The following SNTG1 variants were observed in gnomAD, a reference collection of about 807,000 sequenced individuals.
SNTG1 encodes the protein gamma-1-syntrophin.
In SNTG1, 39 loss-of-function variants were observed where a neutral mutation model predicts 74.7. The ratio of observed to expected loss-of-function variants is 0.52; its 90% CI spans 0.40 to 0.68. The LOEUF is 0.68. SNTG1 is among the 30% of genes least tolerant of loss of function. SNTG1 has a pLI of 0.00. For missense variants in SNTG1, 685 were observed against 609.5 expected (o/e 1.12, Z -1.30); for synonymous variants, 254 against 217.1 (o/e 1.17, Z -1.49).
At chr8:50,335,997 T>C (rs2091130014) in intron 2 of SNTG1, among the ~76,000 whole-genome samples, 1 of 152,130 alleles carries the variant, frequency 6.6e-6, no homozygotes, top group Non-Finnish European at 1.5e-5. Context: ...AGATGTTCTA[T>C]TCTTCCTGTG....
At chr8:50,226,494 T>C (rs1034402406) in intron 2 of SNTG1, among the ~76,000 whole-genome samples, 1 of 152,130 alleles carries the variant, frequency 6.6e-6, no homozygotes, top group Non-Finnish European at 1.5e-5. Flanking sequence ...ATAGGAAACA[T>C]TTGCCATCTG....
At chr8:50,594,234 C>A (rs1001433968) in intron 13 of SNTG1, among the ~76,000 whole-genome samples, 5 of 152,094 alleles carry the variant, frequency 3.3e-5, no homozygotes, top group African/African-American at 1.2e-4. Context: ...CTATATGTAC[C>A]TAGACCATTA....
intron 2 of SNTG1, among the ~76,000 whole-genome samples, chr8:50,201,423 C>T (rs1247100658): frequency 6.6e-6 from 1 of 152,128 alleles, no homozygotes; most frequent in Non-Finnish European, 1.5e-5. Context: ...TTATTAACAC[C>T]TTCTACTAGT....
intron 1 of SNTG1, among the ~76,000 whole-genome samples, chr8:49,971,869 T>C (rs899310780): frequency 3.9e-5 from 6 of 152,006 alleles, no homozygotes; most frequent in Non-Finnish European, 8.8e-5. Flanking sequence ...TAAAAGAGGA[T>C]ACAAAGAAAT....
intron 1 of SNTG1, among the ~76,000 whole-genome samples, chr8:49,975,904 G>A (rs1812152022): frequency 6.6e-6 from 1 of 151,808 alleles, no homozygotes; most frequent in African/African-American, 2.4e-5. Context: ...CTACTTATTT[G>A]TTTATTTTCA....
At chr8:50,585,952 C>T (rs979593105) in intron 12 of SNTG1, among the ~76,000 whole-genome samples, 8 of 152,146 alleles carry the variant, frequency 5.3e-5, no homozygotes, top group Admixed American at 4.6e-4. Context: ...TGAAGGTATA[C>T]TATGTCCAAT....
intron 1 of SNTG1, among the ~76,000 whole-genome samples, chr8:49,968,540 G>T (rs1158656230): frequency 6.6e-6 from 1 of 152,066 alleles, no homozygotes; most frequent in African/African-American, 2.4e-5. Flanking sequence ...AAGGATAAGG[G>T]CAAGAACTTG....
chr8:50,023,899 T>C lies in SNTG1; in HGVS notation c.-103+111668T>C, dbSNP rs1817040006. On this transcript the variant is annotated intron_variant, in intron 1 of 18. Transcript: ENST00000642720. ...CTTTGTGCCTGAGGCCTTCTGACCATCAACCATGAGCATTGTTGTGAGTCC... is the reference window on the plus strand; with the variant it reads ...CTTTGTGCCTGAGGCCTTCTGACCACCAACCATGAGCATTGTTGTGAGTCC... Among the ~76,000 whole-genome samples, 3 of 152,288 alleles carry C rather than the reference T, an allele frequency of 2.0e-5. 1 individual carries two copies. Among genetic ancestry groups the C allele is most frequent in the South Asian group, 4.1e-4 (2 of 4,828 alleles).
chr8:50,433,709 A>G (rs2131541077), intron 4 of SNTG1, among the ~76,000 whole-genome samples: 1 of 152,276 alleles, frequency 6.6e-6, no homozygotes, highest in Non-Finnish European at 1.5e-5. Flanking sequence ...ATATTTATTC[A>G]TTTAACATTT....
intron 1 of SNTG1, among the ~76,000 whole-genome samples, chr8:50,036,454 T>C (rs1818174452): frequency 6.6e-6 from 1 of 152,180 alleles, no homozygotes; most frequent in African/African-American, 2.4e-5. Flanking sequence ...ATAGCCTTCT[T>C]CCAGGAAGCC....
chr8:50,356,753 A>G (rs998242247), intron 2 of SNTG1, among the ~76,000 whole-genome samples: 1 of 152,180 alleles, frequency 6.6e-6, no homozygotes, highest in East Asian at 1.9e-4. Context: ...CTCCCATTAT[A>G]TGGGCCATTC....
chr8:50,684,262 C>T (rs1047711458), intron 15 of SNTG1, among the ~76,000 whole-genome samples: 2 of 152,072 alleles, frequency 1.3e-5, no homozygotes, highest in Admixed American at 6.6e-5. Context: ...AATTTGAGAA[C>T]GTTTTTTATT....
intron 4 of SNTG1, among the ~76,000 whole-genome samples, chr8:50,426,812 A>G (rs2093169265): frequency 6.6e-6 from 1 of 152,080 alleles, no homozygotes; most frequent in Non-Finnish European, 1.5e-5. Context: ...TTGGGAAAAA[A>G]ATACAACAAT....
chr8:50,371,931 CT>C (rs1412994524), intron 2 of SNTG1, among the ~76,000 whole-genome samples: 1 of 152,070 alleles, frequency 6.6e-6, no homozygotes, highest in African/African-American at 2.4e-5. Flanking sequence ...AAAAATAAAT[CT>C]CCTGTAGACG....
intron 1 of SNTG1, among the ~76,000 whole-genome samples, chr8:50,049,252 A>G (rs938171603): frequency 6.6e-6 from 1 of 152,114 alleles, no homozygotes; most frequent in Non-Finnish European, 1.5e-5. Context: ...ACAAGATCCA[A>G]CTGCATTATC....
At chr8:50,732,190 C>A (rs1012930027) in intron 17 of SNTG1, among the ~76,000 whole-genome samples, 1 of 151,816 alleles carries the variant, frequency 6.6e-6, no homozygotes, top group South Asian at 2.1e-4. Context: ...GTTGAAATAG[C>A]AAATACCTGT....
chr8:50,205,256 A>AC (rs2084166923), intron 2 of SNTG1, among the ~76,000 whole-genome samples: 2 of 152,028 alleles, frequency 1.3e-5, no homozygotes, highest in African/African-American at 4.8e-5. Flanking sequence ...TTTAATGATC[A>AC]CCATTCTAAC....
intron 8 of SNTG1, among the ~76,000 whole-genome samples, chr8:50,461,979 A>G (rs1484536389): frequency 6.6e-6 from 1 of 152,124 alleles, no homozygotes; most frequent in Non-Finnish European, 1.5e-5. Context: ...ACATAGAGGC[A>G]TACCTTGGTG....
chr8:50,154,060 G>C (rs2082169072), intron 1 of SNTG1, among the ~76,000 whole-genome samples: 1 of 152,162 alleles, frequency 6.6e-6, no homozygotes. Context: ...CCCAGTTTGA[G>C]CTTCCAGGCT....
Sources: gnomAD v4.1 joint callset for allele counts (sites outside exome capture counted in the v4.1 genomes callset) on GRCh38, gnomAD v4.1.1 for gene constraint, MANE v1.5 for transcripts, NCBI Gene and HGNC (gene_info 2026-07-23, HGNC 2026-07-21) for gene names.